Variants in ARHGAP26 observed in about 807,000 individuals in gnomAD.
The protein encoded by ARHGAP26 is Rho GTPase activating protein 26, also known as rho GTPase-activating protein 26.
In ARHGAP26, 38 loss-of-function variants were observed where a neutral mutation model predicts 104.8. The observed-to-expected ratio is 0.36, with a 90% confidence interval of 0.28 to 0.48. ARHGAP26 has a LOEUF of 0.48. ARHGAP26 is among the 20% of genes least tolerant of loss of function. ARHGAP26 has a pLI of 0.99. For synonymous variants in ARHGAP26, 341 were observed against 340.0 expected (o/e 1.00, Z -0.03); for missense variants, 704 against 947.9 (o/e 0.74, Z 3.38).
chr5:142,923,741 A>T (rs898483123), intron 10 of ARHGAP26, among the ~76,000 whole-genome samples: 1 of 151,914 alleles, frequency 6.6e-6, no homozygotes, highest in Non-Finnish European at 1.5e-5. Context: ...GGTGATACCT[A>T]CTTTTTAGAC....
chr5:142,806,756 C>T (rs559347416), intron 1 of ARHGAP26, among the ~76,000 whole-genome samples: 2 of 152,294 alleles, frequency 1.3e-5, no homozygotes, highest in African/African-American at 4.8e-5. Context: ...TTAATATATG[C>T]AGTTGATGGG....
At chr5:142,961,431 G>T (rs1770229709) in intron 11 of ARHGAP26, among the ~76,000 whole-genome samples, 1 of 152,166 alleles carries the variant, frequency 6.6e-6, no homozygotes, top group Non-Finnish European at 1.5e-5. Flanking sequence ...GGTGGAGGGT[G>T]CATTGAGTTG....
At chr5:142,991,350 G>A (rs1366818099) in intron 11 of ARHGAP26, among the ~76,000 whole-genome samples, 1 of 152,164 alleles carries the variant, frequency 6.6e-6, no homozygotes, top group African/African-American at 2.4e-5. Context: ...GATTTTCCAG[G>A]TACCATCTGT....
intron 18 of ARHGAP26, among the ~76,000 whole-genome samples, chr5:143,121,455 C>A (rs538545612): frequency 1.5e-4 from 23 of 152,298 alleles, no homozygotes; most frequent in African/African-American, 5.5e-4. Context: ...TTTATCCTCA[C>A]AACAATTCAA....
intron 19 of ARHGAP26, among the ~76,000 whole-genome samples, chr5:143,137,778 T>G (rs1599180755): frequency 6.6e-6 from 1 of 152,348 alleles, no homozygotes; most frequent in East Asian, 1.9e-4. Flanking sequence ...AGTAGCTCAC[T>G]TAGGTATTTC....
At chr5:143,158,697 T>C (rs1800814669) in intron 20 of ARHGAP26, among the ~76,000 whole-genome samples, 1 of 152,244 alleles carries the variant, frequency 6.6e-6, no homozygotes, top group Admixed American at 6.5e-5. Context: ...ATTGCTTTAA[T>C]GTTCCTTCTA....
intron 19 of ARHGAP26, among the ~76,000 whole-genome samples, chr5:143,135,786 A>G (rs1194201038): frequency 6.6e-6 from 1 of 152,248 alleles, no homozygotes; most frequent in African/African-American, 2.4e-5. Flanking sequence ...TTCTAGGTCA[A>G]CAGATATACA....
intron 12 of ARHGAP26, among the ~76,000 whole-genome samples, chr5:143,031,073 A>G (rs1384749465): frequency 1.3e-5 from 2 of 152,244 alleles, no homozygotes; most frequent in Non-Finnish European, 2.9e-5. Context: ...TTGGGAGCCA[A>G]AGGCTCCCGT....
intron 9 of ARHGAP26, among the ~76,000 whole-genome samples, chr5:142,909,924 A>G (rs1308759739): frequency 6.6e-6 from 1 of 152,204 alleles, no homozygotes; most frequent in African/African-American, 2.4e-5. Flanking sequence ...ATCACACTTG[A>G]AAGTGAAGGG....
At chr5:142,841,526 G>T (rs1021425640) in intron 1 of ARHGAP26, among the ~76,000 whole-genome samples, 1 of 152,182 alleles carries the variant, frequency 6.6e-6, no homozygotes, top group Non-Finnish European at 1.5e-5. Flanking sequence ...CTTTACCCTA[G>T]CTGGAGGTGA....
chr5:142,965,364 T>C (rs1157322039), intron 11 of ARHGAP26, among the ~76,000 whole-genome samples: 1 of 152,224 alleles, frequency 6.6e-6, no homozygotes, highest in Non-Finnish European at 1.5e-5. Context: ...CCCGGTCTGC[T>C]AAGTAGCGGG....
chr5:142,933,975 A>G (rs146309036), intron 11 of ARHGAP26, among the ~76,000 whole-genome samples: 87 of 152,298 alleles, frequency 5.7e-4, no homozygotes, highest in African/African-American at 2.0e-3. Flanking sequence ...ACTCCCTTGA[A>G]TGATTCTTCA....
At chr5:143,011,524 G>C (rs190527236) in intron 11 of ARHGAP26, among the ~76,000 whole-genome samples, 1 of 152,070 alleles carries the variant, frequency 6.6e-6, no homozygotes, top group Non-Finnish European at 1.5e-5. Flanking sequence ...ATAAGTAAAC[G>C]AATTGCAAGC....
chr5:143,049,289 A>G (rs1409669533), intron 14 of ARHGAP26, among the ~76,000 whole-genome samples: 5 of 152,166 alleles, frequency 3.3e-5, no homozygotes, highest in Non-Finnish European at 5.9e-5. Context: ...CTTGTCCTCC[A>G]TCTCAGTATT....
intron 12 of ARHGAP26, among the ~76,000 whole-genome samples, chr5:143,023,625 G>A (rs1010213575): frequency 6.6e-6 from 1 of 152,206 alleles, no homozygotes; most frequent in Non-Finnish European, 1.5e-5. Flanking sequence ...ATCCTTTTGG[G>A]ATCAGAACCA....
chr5:143,056,171 A>G (rs1322647385), intron 16 of ARHGAP26, 85 bp downstream of exon 16: 8 of 1,131,816 alleles, frequency 7.1e-6, no homozygotes, highest in East Asian at 4.7e-5. Flanking sequence ...AATAAATATT[A>G]CCTAACCCTT....
intron 17 of ARHGAP26, among the ~76,000 whole-genome samples, chr5:143,107,248 T>A (rs1388105377): frequency 6.6e-6 from 1 of 152,034 alleles, no homozygotes; most frequent in Non-Finnish European, 1.5e-5. Context: ...TGGTATGACA[T>A]GAGGTTGGAG....
chr5:143,169,301 G>C (rs1046570694), intron 20 of ARHGAP26, among the ~76,000 whole-genome samples: 3 of 152,230 alleles, frequency 2.0e-5, no homozygotes, highest in Non-Finnish European at 4.4e-5. Context: ...GCCCAAATAA[G>C]TTAGGCTAAA....
intron 1 of ARHGAP26, among the ~76,000 whole-genome samples, chr5:142,872,947 G>T (rs1168566257): frequency 6.6e-6 from 1 of 152,182 alleles, no homozygotes; most frequent in African/African-American, 2.4e-5. Flanking sequence ...CCTCCCTAGT[G>T]AAAGTTTGTG....
Sources: allele counts gnomAD v4.1 joint callset (sites outside exome capture counted in the v4.1 genomes callset), GRCh38; gene constraint gnomAD v4.1.1; transcripts MANE v1.5; gene names NCBI Gene and HGNC (gene_info 2026-07-23, HGNC 2026-07-21).